ZNF560: variants seen among roughly 807,000 people sequenced by gnomAD.
The protein encoded by ZNF560 is zinc finger protein 560.
A neutral mutation model predicts 81.8 loss-of-function variants in ZNF560; 54 were observed. The ratio of observed to expected loss-of-function variants is 0.66; its 90% CI spans 0.53 to 0.83. ZNF560 has a LOEUF of 0.83. Ranked by LOEUF, ZNF560 falls within the 40% of genes least tolerant of loss-of-function variation. ZNF560 has a pLI of 0.00. For synonymous variants in ZNF560, 321 were observed against 317.9 expected (o/e 1.01, Z -0.10); for missense variants, 940 against 932.4 (o/e 1.01, Z -0.11).
At chr19:9,457,943 T>C in the ZNF560 span, among the ~76,000 whole-genome samples, 2 of 151,960 alleles carry the variant, frequency 1.3e-5, no homozygotes, top group Non-Finnish European at 2.9e-5. Flanking sequence ...ATAAATAGAA[T>C]AGATCTAGAG....
rs965505232 is a variant in ZNF560, at chr19:9,475,675, C to T, written c.-56-306G>A. 1.0e-4 allele frequency among the ~76,000 whole-genome samples: 15 copies of T among 149,796 alleles called. No homozygotes were observed. The East Asian group carries it at 1.4e-3, about 14-fold the overall frequency. ...AGGCTGGAGTGCAGTGGCACGATCTCGGCTCACTGCAAGCTCTGCCTCCTG... is the reference window on the plus strand; with the variant it reads ...AGGCTGGAGTGCAGTGGCACGATCTTGGCTCACTGCAAGCTCTGCCTCCTG... On this transcript the variant is annotated intron_variant, in intron 2 of 9. Transcript: ENST00000301480.
downstream of ZNF560, among the ~76,000 whole-genome samples, chr19:9,461,973 T>C (rs971313889): frequency 2.0e-5 from 3 of 152,242 alleles, no homozygotes; most frequent in African/African-American, 7.2e-5. Context: ...TTGGAGGCTC[T>C]GTGATTTCTA....
intron 2 of ZNF560, among the ~76,000 whole-genome samples, chr19:9,485,549 A>AT (rs762144861): frequency 0.013 from 1,768 of 141,134 alleles, 20 homozygotes; most frequent in East Asian, 0.029. Context: ...TAACCAAAAG[A>AT]TTTTTTTTTT....
At chr19:9,465,526 C>CT (rs1042314159), downstream of ZNF560, among the ~76,000 whole-genome samples, 1 of 152,190 alleles carries the variant, frequency 6.6e-6, no homozygotes, top group African/African-American at 2.4e-5. Flanking sequence ...TCCCACATGC[C>CT]TTTAACTTTA....
intron 2 of ZNF560, among the ~76,000 whole-genome samples, chr19:9,477,861 C>G (rs2073226928): frequency 6.6e-6 from 1 of 151,632 alleles, no homozygotes; most frequent in African/African-American, 2.4e-5. Flanking sequence ...TAGAAATACA[C>G]AAAGGAGAAA....
intron 2 of ZNF560, among the ~76,000 whole-genome samples, chr19:9,482,927 G>A (rs1004248854): frequency 3.9e-5 from 6 of 152,178 alleles, no homozygotes; most frequent in African/African-American, 1.4e-4. Context: ...GGCCTCCCGA[G>A]GTGCCGGGAT....
At chr19:9,488,054 TG>T (rs2073413853) in intron 2 of ZNF560, among the ~76,000 whole-genome samples, 1 of 152,120 alleles carries the variant, frequency 6.6e-6, no homozygotes, top group Non-Finnish European at 1.5e-5. Flanking sequence ...GTTTGGGTCA[TG>T]GGGGTAGATC....
intron 2 of ZNF560, among the ~76,000 whole-genome samples, chr19:9,476,656 G>A (rs1207827364): frequency 6.6e-6 from 1 of 152,128 alleles, no homozygotes; most frequent in Non-Finnish European, 1.5e-5. Flanking sequence ...CTGCCACCCT[G>A]TGAAGAGGTG....
At chr19:9,460,671 G>A in the ZNF560 span, among the ~76,000 whole-genome samples, 7 of 152,274 alleles carry the variant, frequency 4.6e-5, no homozygotes, top group Non-Finnish European at 5.9e-5. Flanking sequence ...ATGCCTGGAC[G>A]TAATCACTCT....
intron 3 of ZNF560, among the ~76,000 whole-genome samples, chr19:9,475,061 T>C (rs541277738): frequency 2.0e-5 from 3 of 152,104 alleles, no homozygotes; most frequent in Non-Finnish European, 2.9e-5. Flanking sequence ...TCTGGCACCA[T>C]AAGGGACAAA....
chr19:9,487,435 T>G (rs1390488239), intron 2 of ZNF560, among the ~76,000 whole-genome samples: 2 of 152,254 alleles, frequency 1.3e-5, no homozygotes. Context: ...AATGGGGCAC[T>G]AAGTCACTTT....
the ZNF560 span, among the ~76,000 whole-genome samples, chr19:9,505,440 C>T: frequency 1.1e-4 from 17 of 152,268 alleles, no homozygotes; most frequent in Middle Eastern, 6.8e-3. Context: ...AGACAGAATA[C>T]GATTTGATCA....
At chr19:9,500,990 T>C (rs1489505674), upstream of ZNF560, among the ~76,000 whole-genome samples, 1 of 152,166 alleles carries the variant, frequency 6.6e-6, no homozygotes, top group East Asian at 1.9e-4. Flanking sequence ...AAGAATTACA[T>C]TTTTTAAATT....
intron 5 of ZNF560, among the ~76,000 whole-genome samples, chr19:9,472,325 AAACAGGAGTCTCC>A (rs1429499048): frequency 2.6e-5 from 4 of 152,070 alleles, no homozygotes; most frequent in Non-Finnish European, 5.9e-5. Flanking sequence ...TGGTAGTTTA[AAACAGGAGTCTCC>A]AACTCCGGAG....
chr19:9,486,195 C>CCCTGTT (rs2073382021), intron 2 of ZNF560, among the ~76,000 whole-genome samples: 1 of 152,080 alleles, frequency 6.6e-6, no homozygotes, highest in Non-Finnish European at 1.5e-5. Context: ...GGATAATTAC[C>CCCTGTT]CCTCTTCCTG....
chr19:9,484,377 G>T (rs185226635), intron 2 of ZNF560, among the ~76,000 whole-genome samples: 298 of 152,152 alleles, frequency 2.0e-3, no homozygotes, highest in African/African-American at 6.4e-3. Context: ...GACATGTGTG[G>T]CTACTGAGCA....
intron 2 of ZNF560, among the ~76,000 whole-genome samples, chr19:9,481,424 G>A (rs902505788): frequency 1.3e-5 from 2 of 152,178 alleles, no homozygotes; most frequent in Non-Finnish European, 2.9e-5. Flanking sequence ...TGACAAATGG[G>A]ATCTAATTAA....
intron 2 of ZNF560, among the ~76,000 whole-genome samples, chr19:9,495,121 C>G (rs989871627): frequency 5.3e-5 from 8 of 151,898 alleles, no homozygotes; most frequent in Non-Finnish European, 1.2e-4. Context: ...GCCAGAGCAA[C>G]AGAGCAAGAC....
chr19:9,462,855 T>G (rs1296896962), downstream of ZNF560, among the ~76,000 whole-genome samples: 1 of 152,130 alleles, frequency 6.6e-6, no homozygotes, highest in East Asian at 1.9e-4. Flanking sequence ...ATTTTCTGAG[T>G]AAGGCAAGAT....
Sources: allele counts gnomAD v4.1 joint callset (sites outside exome capture counted in the v4.1 genomes callset), GRCh38; gene constraint gnomAD v4.1.1; transcripts MANE v1.5; gene names NCBI Gene and HGNC (gene_info 2026-07-23, HGNC 2026-07-21).